Variants in TMEM200A observed in about 807,000 individuals in gnomAD.
TMEM200A encodes two transmembrane C.
A neutral mutation model predicts 24.3 loss-of-function variants in TMEM200A; 12 were observed. The ratio of observed to expected loss-of-function variants is 0.49; its 90% CI spans 0.32 to 0.80. The LOEUF (loss-of-function observed/expected upper bound fraction) is 0.80, where lower values mean the gene tolerates loss of function less well. Among genes scored for constraint, TMEM200A ranks in the 30% least tolerant of loss-of-function variants. TMEM200A has a pLI of 0.04. For synonymous variants in TMEM200A, 224 were observed against 224.4 expected (o/e 1.00, Z 0.02); for missense variants, 545 against 614.4 (o/e 0.89, Z 1.19).
intron 2 of TMEM200A, among the ~76,000 whole-genome samples, chr6:130,393,107 T>C (rs959447978): frequency 6.6e-6 from 1 of 152,220 alleles, no homozygotes; most frequent in Non-Finnish European, 1.5e-5. Flanking sequence ...GAAGAAACCA[T>C]GCAGGCATCT....
At chr6:130,391,033 C>A (rs759520247) in intron 2 of TMEM200A, among the ~76,000 whole-genome samples, 16 of 152,156 alleles carry the variant, frequency 1.1e-4, no homozygotes, top group Non-Finnish European at 2.1e-4. Context: ...CTCTGCGGGA[C>A]AAAAATGCCT....
At chr6:130,430,165 G>A (rs1779842141) in intron 2 of TMEM200A, among the ~76,000 whole-genome samples, 4 of 152,240 alleles carry the variant, frequency 2.6e-5, no homozygotes, top group Admixed American at 1.3e-4. Flanking sequence ...AGCAGATTCA[G>A]TATCTAGTGT....
chr6:130,428,261 G>A lies in TMEM200A; in HGVS notation c.-16-12146G>A, dbSNP rs995459088. Among the ~76,000 whole-genome samples, 9 of 152,146 alleles carry A rather than the reference G, an allele frequency of 5.9e-5. No individual in the cohort carries two copies. The East Asian group carries it at 1.7e-3, about 29-fold the overall frequency. On this transcript the variant is annotated intron_variant, in intron 2 of 2. Transcript: ENST00000296978. ...GATACATGTGTTTTTTCAAAGAAGA[G>A]GTTGTTTTTAACAAGTAAGGACATT...
chr6:130,368,356 T>A (rs140113574), intron 1 of TMEM200A, among the ~76,000 whole-genome samples: 8 of 152,314 alleles, frequency 5.3e-5, no homozygotes, highest in South Asian at 2.1e-4. Flanking sequence ...AAAGCAAATG[T>A]CAACTTTTAC....
intron 2 of TMEM200A, among the ~76,000 whole-genome samples, chr6:130,391,773 C>T (rs1026658600): frequency 8.8e-5 from 11 of 125,404 alleles, no homozygotes; most frequent in East Asian, 2.4e-4. Flanking sequence ...GACAGAGTCT[C>T]GCTCTGTCGC....
chr6:130,417,506 G>A (rs1008480284), intron 2 of TMEM200A, among the ~76,000 whole-genome samples: 8 of 152,118 alleles, frequency 5.3e-5, no homozygotes, highest in Non-Finnish European at 7.4e-5. Flanking sequence ...GGCAAGCCCT[G>A]AACAAGTGGA....
intron 2 of TMEM200A, chr6:130,437,884 C>T (rs749161983): frequency 6.6e-6 from 1 of 151,990 alleles, no homozygotes. Context: ...GCCTCCTAAG[C>T]GAAAATGGTA....
At position 130,407,886 on chromosome 6, in the gene TMEM200A, G is replaced by A. The variant is rs143481200; in HGVS notation, c.-17+22650G>A. On this transcript the variant is annotated intron_variant, in intron 2 of 2. Coordinates refer to ENST00000296978, the MANE Select transcript of TMEM200A (RefSeq NM_001258277.2). ...CTCAGACCTGATCTCTGAATTTTAC[G>A]TCTGCTATCCTTTTTATTTTTATGT... Among the ~76,000 whole-genome samples, 579 of 152,208 alleles carry A rather than the reference G, an allele frequency of 3.8e-3. 7 individuals are homozygous for A. Among genetic ancestry groups the A allele is most frequent in the African/African-American group, 0.013 (533 of 41,528 alleles).
Position 130,433,134 on chromosome 6 carries a change from ATCT to A in TMEM200A, c.-16-7271_-16-7269del, listed in dbSNP as rs1193420489. 1.9e-3 allele frequency among the ~76,000 whole-genome samples: 272 copies of A among 146,560 alleles called. 2 individuals carry two copies. Among genetic ancestry groups the A allele is most frequent in the African/African-American group, 6.6e-3 (247 of 37,476 alleles). ...CAATTATGCTACATGCTAAAAGATG[ATCT>A]TTTTTTTTTTTTTTTTGAGACGGAG... On this transcript the variant is annotated intron_variant, in intron 2 of 2. Coordinates refer to ENST00000296978, the MANE Select transcript of TMEM200A (RefSeq NM_001258277.2).
intron 2 of TMEM200A, among the ~76,000 whole-genome samples, chr6:130,393,069 G>T (rs1193387374): frequency 6.6e-6 from 1 of 152,194 alleles, no homozygotes; most frequent in African/African-American, 2.4e-5. Context: ...AGAATTCATT[G>T]ATGGAATTAA....
rs555715063 is a variant in TMEM200A at position 130,440,068 on chromosome 6, T to TGAG, written c.-16-338_-16-336dup. Among the ~76,000 whole-genome samples, 192 of 136,310 alleles carry TGAG rather than the reference T, an allele frequency of 1.4e-3. 2 individuals are homozygous for TGAG. Among genetic ancestry groups the TGAG allele is most frequent in the African/African-American group, 4.6e-3 (182 of 39,892 alleles). 89.4% of individuals were successfully genotyped at this position (136,310 alleles called of 152,430 possible). A position where few individuals can be genotyped will look rare whatever the true frequency, so the allele number is the denominator to read the frequency against. ...AGAGAGAGAGAGAGAAGAGAAAGAG[T>TGAG]GAGCATCAGTCTTGTGGCCAGGGGA... On this transcript the variant is annotated intron_variant, in intron 2 of 2. Coordinates refer to ENST00000296978, the MANE Select transcript of TMEM200A (RefSeq NM_001258277.2).
chr6:130,398,883 A>G (rs1383913128), intron 2 of TMEM200A, among the ~76,000 whole-genome samples: 1 of 152,038 alleles, frequency 6.6e-6, no homozygotes, highest in South Asian at 2.1e-4. Flanking sequence ...TTAGTTCCCA[A>G]TTGCCTCTCA....
At chr6:130,403,732 G>C (rs1207915727) in intron 2 of TMEM200A, among the ~76,000 whole-genome samples, 1 of 151,748 alleles carries the variant, frequency 6.6e-6, no homozygotes. Flanking sequence ...AGATAAACTT[G>C]TGTCATGCGG....
intron 2 of TMEM200A, among the ~76,000 whole-genome samples, chr6:130,396,400 T>C (rs543676543): frequency 1.8e-4 from 27 of 151,056 alleles, no homozygotes; most frequent in East Asian, 3.9e-4. Flanking sequence ...ATATTTTCAA[T>C]TGGTGAGATA....
chr6:130,393,413 G>A (rs1342705138), intron 2 of TMEM200A, among the ~76,000 whole-genome samples: 2 of 152,146 alleles, frequency 1.3e-5, no homozygotes, highest in Admixed American at 6.6e-5. Context: ...TTCAACAAAT[G>A]TTGTCACATC....
chr6:130,405,600 G>A (rs983829732), intron 2 of TMEM200A, among the ~76,000 whole-genome samples: 3 of 152,138 alleles, frequency 2.0e-5, no homozygotes, highest in Non-Finnish European at 4.4e-5. Flanking sequence ...ATATTCCTGG[G>A]AACTCTCACT....
chr6:130,430,342 G>A (rs1583226979), intron 2 of TMEM200A, among the ~76,000 whole-genome samples: 1 of 152,046 alleles, frequency 6.6e-6, no homozygotes, highest in African/African-American at 2.4e-5. Context: ...CCACCTTGGG[G>A]GCTAGGATTT....
chr6:130,430,630 A>G (rs1189052660), intron 2 of TMEM200A, among the ~76,000 whole-genome samples: 1 of 151,904 alleles, frequency 6.6e-6, no homozygotes, highest in African/African-American at 2.4e-5. Context: ...TTCTCTGAAA[A>G]ACCCCTGGAT....
At chr6:130,389,439 T>C (rs1778786064) in intron 2 of TMEM200A, among the ~76,000 whole-genome samples, 1 of 151,090 alleles carries the variant, frequency 6.6e-6, no homozygotes, top group East Asian at 1.9e-4. Flanking sequence ...AAGAACAATG[T>C]GAGAGAAAGA....
Sources: gnomAD v4.1 joint callset for allele counts (sites outside exome capture counted in the v4.1 genomes callset) on GRCh38, gnomAD v4.1.1 for gene constraint, MANE v1.5 for transcripts, NCBI Gene and HGNC (gene_info 2026-07-23, HGNC 2026-07-21) for gene names.